Variants in PTPRD observed in about 807,000 individuals in gnomAD.
PTPRD encodes receptor-type tyrosine-protein phosphatase delta.
A neutral mutation model predicts 214.5 loss-of-function variants in PTPRD; 34 were observed. That is an observed-to-expected ratio of 0.16 (90% CI 0.12 to 0.21). The LOEUF is 0.21. Among genes scored for constraint, PTPRD ranks in the 10% least tolerant of loss-of-function variants. PTPRD has a pLI of 1.00. For synonymous variants in PTPRD, 1,128 were observed against 845.7 expected (o/e 1.33, Z -5.79); for missense variants, 2,545 against 2,398.7 (o/e 1.06, Z -1.27).
chr9:9,653,752 G>C (rs891173825), intron 7 of PTPRD, among the ~76,000 whole-genome samples: 1 of 152,146 alleles, frequency 6.6e-6, no homozygotes, highest in Non-Finnish European at 1.5e-5. Context: ...TTTACTCCTT[G>C]ATACACTTAT....
intron 5 of PTPRD, among the ~76,000 whole-genome samples, chr9:9,927,403 T>A (rs2084716898): frequency 6.6e-6 from 1 of 152,140 alleles, no homozygotes; most frequent in African/African-American, 2.4e-5. Context: ...ACCATTTCTG[T>A]ATGTACTATT....
At chr9:10,111,406 T>C (rs1047243773) in intron 3 of PTPRD, among the ~76,000 whole-genome samples, 41 of 150,850 alleles carry the variant, frequency 2.7e-4, no homozygotes, top group African/African-American at 1.0e-3. Flanking sequence ...GCCCAGCTAA[T>C]TTTTTGTATT....
chr9:10,487,966 G>GTCTCCCTCTCTCTCTCTCTC (rs1491332095), intron 2 of PTPRD, among the ~76,000 whole-genome samples: 4 of 110,270 alleles, frequency 3.6e-5, no homozygotes, highest in African/African-American at 1.5e-4. Context: ...AATGAACACA[G>GTCTCCCTCTCTCTCTCTCTC]TCTCTCTCTC....
chr9:8,975,259 T>C (rs1334919450), intron 11 of PTPRD, among the ~76,000 whole-genome samples: 1 of 152,042 alleles, frequency 6.6e-6, no homozygotes, highest in Non-Finnish European at 1.5e-5. Context: ...AAAGTAAAAA[T>C]ACTGATGATG....
intron 8 of PTPRD, among the ~76,000 whole-genome samples, chr9:9,530,402 T>C (rs1309700581): frequency 2.0e-5 from 3 of 152,106 alleles, no homozygotes; most frequent in Non-Finnish European, 2.9e-5. Flanking sequence ...AATGGATAAA[T>C]TCCTGGACAC....
At chr9:9,802,319 T>C (rs1464521656) in intron 5 of PTPRD, among the ~76,000 whole-genome samples, 1 of 151,976 alleles carries the variant, frequency 6.6e-6, no homozygotes, top group African/African-American at 2.4e-5. Flanking sequence ...TATTTTGTAT[T>C]CTTAGCAATT....
At chr9:9,819,726 C>T (rs183937543) in intron 5 of PTPRD, among the ~76,000 whole-genome samples, 12 of 152,158 alleles carry the variant, frequency 7.9e-5, no homozygotes, top group East Asian at 1.9e-4. Context: ...CATGAGCATC[C>T]GACACTTAGC....
rs1373431494 is a variant in PTPRD, at chr9:10,074,450, T to A, written c.-544-40660A>T. Among the ~76,000 whole-genome samples the A allele has an allele frequency of 2.6e-5, 4 of 152,114 alleles. No homozygotes were observed. In the South Asian group the frequency reaches 8.3e-4, roughly 31 times the overall value. On this transcript the variant is annotated intron_variant, in intron 3 of 45. Coordinates refer to ENST00000381196, the MANE Select transcript of PTPRD (RefSeq NM_002839.4). ...CAGGGTGTTATTGGCTCAGTTTGGA[T>A]CTCTGGAACTTCTAAAGCTGACAGA...
At position 9,411,041 on chromosome 9, in the gene PTPRD, T is replaced by TTG. The variant is rs113443297; in HGVS notation, c.-236-13561_-236-13560dup. On this transcript the variant is annotated intron_variant, in intron 8 of 45. Coordinates refer to ENST00000381196, the MANE Select transcript of PTPRD (RefSeq NM_002839.4). ...TTCCCACCACAGCTGCAAAACCTCT[T>TTG]TGTGTGTGTGTATGTGTGTGTGTGT... 7.6e-3 allele frequency among the ~76,000 whole-genome samples: 1,159 copies of TTG among 151,940 alleles called. 14 individuals are homozygous for TTG. The highest frequency in any genetic ancestry group is 0.026 in the African/African-American group (1,057 of 41,402).
At chr9:8,924,074 A>G (rs988893444) in intron 11 of PTPRD, among the ~76,000 whole-genome samples, 21 of 152,092 alleles carry the variant, frequency 1.4e-4, no homozygotes, top group Admixed American at 9.2e-4. Context: ...TAATTTTATT[A>G]TTATGTCTAC....
At chr9:9,327,924 CA>C (rs2040664213) in intron 9 of PTPRD, among the ~76,000 whole-genome samples, 1 of 147,986 alleles carries the variant, frequency 6.8e-6, no homozygotes, top group Non-Finnish European at 1.5e-5. Context: ...AAAAAAATCA[CA>C]AAAAAATTCA....
chr9:9,129,427 G>T (rs377571316), intron 10 of PTPRD, among the ~76,000 whole-genome samples: 1 of 151,968 alleles, frequency 6.6e-6, no homozygotes, highest in Non-Finnish European at 1.5e-5. Context: ...TATTCGATTC[G>T]TGTAACTCAG....
intron 13 of PTPRD, among the ~76,000 whole-genome samples, chr9:8,633,866 G>A (rs2154321844): frequency 6.6e-6 from 1 of 152,036 alleles, no homozygotes; most frequent in East Asian, 1.9e-4. Flanking sequence ...GGACTGTAAG[G>A]TGAAGAATTA....
intron 14 of PTPRD, among the ~76,000 whole-genome samples, chr9:8,580,718 A>G (rs1189217030): frequency 6.6e-6 from 1 of 152,170 alleles, no homozygotes; most frequent in Admixed American, 6.5e-5. Context: ...TGTAAGTACA[A>G]CAAAATAGGT....
chr9:8,683,403 T>C (rs1310432592), intron 12 of PTPRD, among the ~76,000 whole-genome samples: 1 of 145,982 alleles, frequency 6.9e-6, no homozygotes, highest in South Asian at 2.1e-4. Context: ...AAAAAAAAAG[T>C]GTATACATAA....
chr9:10,218,624 A>T (rs905211412), intron 3 of PTPRD, among the ~76,000 whole-genome samples: 2 of 151,858 alleles, frequency 1.3e-5, no homozygotes, highest in Non-Finnish European at 2.9e-5. Flanking sequence ...AATTAGAATA[A>T]GAAAAGATAC....
intron 11 of PTPRD, among the ~76,000 whole-genome samples, chr9:9,007,171 G>C (rs1389962991): frequency 6.6e-6 from 1 of 151,652 alleles, no homozygotes; most frequent in African/African-American, 2.4e-5. Context: ...ACTGTGATGA[G>C]GTTATGAGTA....
chr9:8,484,325 C>T lies in PTPRD; in HGVS notation c.3207G>A (p.Gln1069=). ...MVEEVDGRAT[Q]KLIVNLKPEK... is the part of the protein sequence containing the mutation. ...CAGGCTTCAGGTTGACAATTAACTT[C>T]TGTGTGGCTCGGCCATCCACTTCTT... is the stretch of plus-strand genomic sequence containing the variant. The change falls in exon 30 of 46, where the codon CAG becomes CAA. Residue 1069 remains glutamine, a synonymous_variant. Coordinates refer to ENST00000381196, the MANE Select transcript of PTPRD (RefSeq NM_002839.4). 1 of 1,614,088 alleles carries T rather than the reference C, an allele frequency of 6.2e-7. No individual in the cohort carries two copies. Among genetic ancestry groups the T allele is most frequent in the Non-Finnish European group, 8.5e-7 (1 of 1,180,024 alleles).
In PTPRD at chr9:10,235,255, A is replaced by G. The variant is rs372598603; in HGVS notation, c.-545+105708T>C. On this transcript the variant is annotated intron_variant, in intron 3 of 45. Transcript: ENST00000381196. ...GGATTACATTTTTAAGAAGTCTCTG[A>G]ATTTCCATAACCTTATTTTAGCAAT... 2.7e-3 allele frequency among the ~76,000 whole-genome samples: 417 copies of G among 152,128 alleles called. 1 individual carries two copies. Among genetic ancestry groups the G allele is most frequent in the African/African-American group, 9.6e-3 (398 of 41,550 alleles).
Sources: allele counts gnomAD v4.1 joint callset (sites outside exome capture counted in the v4.1 genomes callset), GRCh38; gene constraint gnomAD v4.1.1; transcripts MANE v1.5; gene names NCBI Gene and HGNC (gene_info 2026-07-23, HGNC 2026-07-21).